The following INO80 variants were observed in gnomAD, a reference collection of about 807,000 sequenced individuals.
INO80 encodes the protein chromatin-remodeling ATPase INO80.
INO80 carries 20 observed loss-of-function variants against 203.4 expected under a neutral mutation model. That is an observed-to-expected ratio of 0.10 (90% confidence interval 0.07 to 0.14). INO80 has a LOEUF of 0.14. Ranked by LOEUF, INO80 falls within the 10% of genes least tolerant of loss-of-function variation. INO80 has a pLI of 1.00. For missense variants in INO80, 1,419 were observed against 1,914.4 expected (o/e 0.74, Z 4.83); for synonymous variants, 726 against 685.2 (o/e 1.06, Z -0.93).
chr15:41,111,515 T>C (rs2045958372), intron 1 of INO80, among the ~76,000 whole-genome samples: 2 of 151,670 alleles, frequency 1.3e-5, no homozygotes, highest in Admixed American at 6.6e-5. Context: ...ACTAAGAAGT[T>C]TCAAAAACAG....
chr15:41,044,655 A>G (rs972917375), intron 24 of INO80, among the ~76,000 whole-genome samples: 2 of 152,170 alleles, frequency 1.3e-5, no homozygotes, highest in South Asian at 4.1e-4. Flanking sequence ...ATATAAATTC[A>G]CAGAGCTGTA....
At chr15:40,991,969 G>C (rs1366123230) in intron 29 of INO80, among the ~76,000 whole-genome samples, 1 of 152,102 alleles carries the variant, frequency 6.6e-6, no homozygotes, top group Non-Finnish European at 1.5e-5. Context: ...AGAGAGACGG[G>C]GTTTCACTGT....
At chr15:41,004,173 A>T (rs1313371691) in intron 28 of INO80, among the ~76,000 whole-genome samples, 2 of 152,202 alleles carry the variant, frequency 1.3e-5, no homozygotes, top group Non-Finnish European at 2.9e-5. Flanking sequence ...GGCTATCCAC[A>T]CAGCTGCACG....
intron 25 of INO80, among the ~76,000 whole-genome samples, chr15:41,025,292 G>A (rs1450306560): frequency 6.6e-6 from 1 of 152,208 alleles, no homozygotes; most frequent in Non-Finnish European, 1.5e-5. Context: ...GTGAGAGAGT[G>A]GGACTGTTCT....
chr15:41,014,217 C>T (rs1292229681), intron 27 of INO80, among the ~76,000 whole-genome samples: 1 of 152,166 alleles, frequency 6.6e-6, no homozygotes, highest in African/African-American at 2.4e-5. Flanking sequence ...TTGGAACTTT[C>T]CTTTCATATG....
chr15:41,099,936 C>G (rs476633), intron 1 of INO80, among the ~76,000 whole-genome samples: 78,842 of 151,938 alleles, frequency 0.52, 22,709 homozygotes, highest in African/African-American at 0.79. Context: ...AAATGTAAAA[C>G]TACTCTGCTT....
At chr15:41,059,093 A>G (rs2045054031) in intron 15 of INO80, among the ~76,000 whole-genome samples, 1 of 152,034 alleles carries the variant, frequency 6.6e-6, no homozygotes, top group African/African-American at 2.4e-5. Flanking sequence ...CTGGGACTAC[A>G]GGCATATACC....
intron 1 of INO80, among the ~76,000 whole-genome samples, chr15:41,114,875 A>G (rs1313408893): frequency 1.3e-5 from 2 of 152,076 alleles, no homozygotes; most frequent in Admixed American, 1.3e-4. Flanking sequence ...GACTGGAGGG[A>G]GGGGGAATGG....
intron 9 of INO80, among the ~76,000 whole-genome samples, chr15:41,077,196 C>T (rs994023734): frequency 1.3e-5 from 2 of 148,612 alleles, no homozygotes; most frequent in African/African-American, 2.5e-5. Context: ...CGTGAGCCAC[C>T]GCGCCCAGCC....
In INO80 at chr15:40,980,249, C is replaced by T. The variant is rs1025660830; in HGVS notation, c.4645G>A (p.Gly1549Ser). 4.3e-6 allele frequency: 7 copies of T among 1,613,084 alleles called. No individual in the cohort carries two copies. The highest frequency in any genetic ancestry group is 1.9e-4 in the Middle Eastern group (1 of 5,134). The change falls in exon 36 of 36, where the codon GGC (glycine) becomes AGC (serine). Residue 1549 changes from glycine to serine, a missense_variant. Transcript: ENST00000648947. ...TACCGTCCTCCAGAGGGGTTGGTGCCTTTGCCCTGTTTCCGGACCAGAGAG... is the reference window on the plus strand; with the variant it reads ...TACCGTCCTCCAGAGGGGTTGGTGCTTTTGCCCTGTTTCCGGACCAGAGAG... Reference protein sequence around the residue: ...PDSLVRKQGKGTNPSGGR With the variant: ...PDSLVRKQGKSTNPSGGR
At chr15:41,045,456 C>T (rs2140519697) in intron 23 of INO80, among the ~76,000 whole-genome samples, 1 of 152,090 alleles carries the variant, frequency 6.6e-6, no homozygotes, top group East Asian at 1.9e-4. Flanking sequence ...GTGTCAGGCA[C>T]CTGTAATACC....
chr15:41,036,156 G>GAAAAAAAA (rs369185302), intron 24 of INO80, among the ~76,000 whole-genome samples: 1 of 32,136 alleles, frequency 3.1e-5, no homozygotes, highest in Non-Finnish European at 6.0e-5. Flanking sequence ...ACTCTCTCTC[G>GAAAAAAAA]AAAAAAAAAA....
chr15:41,102,930 C>A (rs969664302), intron 1 of INO80, among the ~76,000 whole-genome samples: 2 of 152,118 alleles, frequency 1.3e-5, no homozygotes, highest in African/African-American at 4.8e-5. Flanking sequence ...CTTAGAAAAT[C>A]TCATCTTCTA....
intron 23 of INO80, among the ~76,000 whole-genome samples, chr15:41,045,896 A>G (rs1262556500): frequency 4.1e-5 from 2 of 48,232 alleles, no homozygotes; most frequent in Admixed American, 7.4e-4. Flanking sequence ...GTGAGACTTC[A>G]TCTCGGGAAA....
intron 9 of INO80, among the ~76,000 whole-genome samples, chr15:41,076,647 C>T (rs1053237510): frequency 3.3e-5 from 5 of 152,006 alleles, no homozygotes; most frequent in South Asian, 2.1e-4. Flanking sequence ...GAGGCTGAGG[C>T]GGGAGGACTG....
At chr15:41,047,084 C>T (rs1447999015) in intron 23 of INO80, among the ~76,000 whole-genome samples, 1 of 152,088 alleles carries the variant, frequency 6.6e-6, no homozygotes, top group Admixed American at 6.6e-5. Context: ...TCTCCTGCCT[C>T]AGCCTCCCAA....
chr15:41,085,671 C>T (rs1181780367), intron 6 of INO80, 88 bp from the exon 7 acceptor site: 4 of 925,430 alleles, frequency 4.3e-6, no homozygotes, highest in African/African-American at 1.7e-5. Flanking sequence ...AAGGTTCTTT[C>T]CTTATTCCAC....
intron 28 of INO80, chr15:41,004,576 C>T (rs1346521069): frequency 1.3e-5 from 2 of 152,296 alleles, no homozygotes; most frequent in East Asian, 3.9e-4. Context: ...AGACCCGTCA[C>T]TAGTGGAGCC....
chr15:41,050,045 G>A lies in INO80; in HGVS notation c.2332C>T (p.Leu778=), dbSNP rs763517504. ...TSRQKLLYQA[L]KNKISIEDLL... ...TCCTCAATGGAAATTTTGTTCTTTA[G>A]TGCCTGATATAGCAGCTTCTGTCGG... The change falls in exon 20 of 36, where the codon CTA becomes TTA. Residue 778 remains leucine, a synonymous_variant. Coordinates refer to ENST00000648947, the MANE Select transcript of INO80 (RefSeq NM_017553.3). 21 of 1,613,840 alleles carry A rather than the reference G, an allele frequency of 1.3e-5. No individual in the cohort carries two copies. The South Asian group carries it at 2.1e-4, about 16-fold the overall frequency.
Sources: allele counts gnomAD v4.1 joint callset (sites outside exome capture counted in the v4.1 genomes callset), GRCh38; gene constraint gnomAD v4.1.1; transcripts MANE v1.5; gene names NCBI Gene and HGNC (gene_info 2026-07-23, HGNC 2026-07-21).